Variants in JMY observed in about 807,000 individuals in gnomAD.
The protein encoded by JMY is junction mediating and regulatory protein, p53 cofactor, also known as junction-mediating and -regulatory protein.
Under a neutral mutation model 103.3 loss-of-function variants are expected in JMY, and 46 were observed. That is an observed-to-expected ratio of 0.45 (90% CI 0.35 to 0.57). JMY has a LOEUF of 0.57. JMY is among the 20% of genes least tolerant of loss of function. The probability of loss-of-function intolerance (pLI) is 0.00; values close to 1 mark genes in which losing one functional copy is unlikely to be tolerated. For synonymous variants in JMY, 526 were observed against 489.3 expected (o/e 1.07, Z -0.99); for missense variants, 1,238 against 1,255.2 (o/e 0.99, Z 0.21).
chr5:79,265,268 T>C (rs1002477361), intron 1 of JMY, among the ~76,000 whole-genome samples: 2 of 152,134 alleles, frequency 1.3e-5, no homozygotes, highest in African/African-American at 4.8e-5. Flanking sequence ...TGTTTTAATT[T>C]TATAGATAAG....
At chr5:79,246,471 T>C (rs147645086) in intron 1 of JMY, among the ~76,000 whole-genome samples, 1 of 152,284 alleles carries the variant, frequency 6.6e-6, no homozygotes, top group Non-Finnish European at 1.5e-5. Context: ...TGCAAGTGAG[T>C]TTGAGACCTG....
chr5:79,258,548 A>AG (rs931746626), intron 1 of JMY, among the ~76,000 whole-genome samples: 1 of 151,944 alleles, frequency 6.6e-6, no homozygotes, highest in Non-Finnish European at 1.5e-5. Flanking sequence ...TGGAGCGGTG[A>AG]GGGGTGTGTT....
intron 4 of JMY, among the ~76,000 whole-genome samples, chr5:79,294,775 T>C (rs181475403): frequency 2.6e-5 from 4 of 151,802 alleles, no homozygotes; most frequent in Admixed American, 2.6e-4. Context: ...GGAGAATAGC[T>C]TGAACTCAGG....
rs371632289 is a variant in JMY at position 79,236,730 on chromosome 5, A to T, written c.80A>T (p.His27Leu). Residue 27 changes from histidine (H) to leucine (L), a missense_variant, in exon 1 of 11, where the codon CAC becomes CTC. By Grantham distance (99) the His-to-Leu change is moderately conservative. Transcript: ENST00000396137. ...CATGTGTTCGACGAGCGCGAGAAAC[A>T]CAAATTCGTCTTTATTGTGGCCTGG... ...RPHVFDEREK[H>L]KFVFIVAWNE... is the part of the protein sequence containing the mutation. The T allele has an allele frequency of 3.1e-4, 463 of 1,505,760 alleles. No homozygotes were observed. The African/African-American group carries it at 5.9e-3, about 19-fold the overall frequency. The allele number at this position is 1,505,760 out of a possible 1,614,324, so 93.3% of individuals were successfully genotyped here. A position where few individuals can be genotyped will look rare whatever the true frequency, so the allele number is the denominator to read the frequency against.
chr5:79,318,757 T>TAGAG (rs1381346517), intron 10 of JMY, among the ~76,000 whole-genome samples: 8 of 24,716 alleles, frequency 3.2e-4, no homozygotes, highest in East Asian at 2.5e-3. Context: ...TATATATATA[T>TAGAG]ATATAGAGAG....
intron 4 of JMY, among the ~76,000 whole-genome samples, chr5:79,298,941 G>A (rs1335332018): frequency 6.6e-6 from 1 of 152,018 alleles, no homozygotes; most frequent in African/African-American, 2.4e-5. Context: ...AGACAAAAGG[G>A]ATCATTTAGG....
intron 7 of JMY, among the ~76,000 whole-genome samples, chr5:79,311,430 A>G (rs1747045882): frequency 6.6e-6 from 1 of 152,150 alleles, no homozygotes; most frequent in African/African-American, 2.4e-5. Flanking sequence ...GCTGGTGGGG[A>G]AGAGGAGAGA....
Position 79,278,009 on chromosome 5 carries a change from G to A in JMY, c.1132G>A (p.Glu378Lys), listed in dbSNP as rs1160010461. 12 of 1,613,966 alleles carry A rather than the reference G, an allele frequency of 7.4e-6. No individual in the cohort carries two copies. Among genetic ancestry groups the A allele is most frequent in the Middle Eastern group, 1.7e-4 (1 of 6,058 alleles). The stretch of plus-strand genomic sequence containing the variant: ...CAGCAGCCTTGCAGAAGCTACAACC[G>A]AACTCTATCAGTATTTACTACAGCC... ...AYSSLAEATT[E>K]LYQYLLQPFR... The change falls in exon 2 of 11, where the codon GAA becomes AAA. Residue 378 changes from glutamate to lysine, a missense_variant. Glu to Lys is a moderately conservative substitution (Grantham distance 56). Coordinates refer to ENST00000396137, the MANE Select transcript of JMY (RefSeq NM_152405.5).
At chr5:79,290,999 G>A in intron 3 of JMY, 131 bp from the exon 4 acceptor site, 3 of 618,456 alleles carry the variant, frequency 4.9e-6, no homozygotes, top group African/African-American at 1.9e-5. Flanking sequence ...AAGAAAAAAA[G>A]AAAAAAGTTA....
chr5:79,242,239 A>C (rs1744762138), intron 1 of JMY, among the ~76,000 whole-genome samples: 1 of 152,192 alleles, frequency 6.6e-6, no homozygotes, highest in South Asian at 2.1e-4. Flanking sequence ...AGTCAGAAAC[A>C]CCTAGGTTGA....
At chr5:79,280,007 C>G (rs1374938242) in intron 2 of JMY, among the ~76,000 whole-genome samples, 5 of 152,152 alleles carry the variant, frequency 3.3e-5, no homozygotes, top group Non-Finnish European at 7.3e-5. Flanking sequence ...CCACGCCCAG[C>G]TGTTTTTTGT....
chr5:79,255,360 G>T (rs1411989050), intron 1 of JMY, among the ~76,000 whole-genome samples: 2 of 152,062 alleles, frequency 1.3e-5, no homozygotes, highest in Admixed American at 1.3e-4. Flanking sequence ...GCCTCCCAAA[G>T]TTCTGGTATT....
At chr5:79,294,320 C>G (rs369991087) in intron 4 of JMY, among the ~76,000 whole-genome samples, 1 of 152,252 alleles carries the variant, frequency 6.6e-6, no homozygotes, top group African/African-American at 2.4e-5. Context: ...AGGAGAATCG[C>G]TTGAACCTGG....
chr5:79,290,324 A>C, intron 3 of JMY, 53 bp downstream of exon 3: 1 of 1,270,122 alleles, frequency 7.9e-7, no homozygotes, highest in Non-Finnish European at 1.1e-6. Flanking sequence ...TGAGTGGTTA[A>C]GTATTTTATG....
intron 10 of JMY, 37 bp downstream of exon 10, chr5:79,316,347 T>C (rs1188407620): frequency 1.4e-6 from 2 of 1,472,364 alleles, no homozygotes; most frequent in East Asian, 2.4e-5. Context: ...CATTCAGTAA[T>C]ACAGGTTTTA....
chr5:79,254,154 G>A (rs1297283876), intron 1 of JMY, among the ~76,000 whole-genome samples: 2 of 149,998 alleles, frequency 1.3e-5, no homozygotes, highest in East Asian at 2.0e-4. Context: ...GGGGTTTCGC[G>A]ATGTTGGGAA....
intron 1 of JMY, among the ~76,000 whole-genome samples, chr5:79,238,116 G>T (rs891500178): frequency 6.6e-6 from 1 of 152,074 alleles, no homozygotes; most frequent in Non-Finnish European, 1.5e-5. Flanking sequence ...GATCTGTTTT[G>T]ATTCTTCTTT....
Position 79,237,744 on chromosome 5 carries a change from A to G in JMY, c.1032+62A>G. ...CGCTTTTGGTTTACTGGCCAAACCA[A>G]AGGCTGGAGCCTCGGTGTCGGGTGT... On this transcript the variant is annotated intron_variant, in intron 1 of 10. Coordinates refer to ENST00000396137, the MANE Select transcript of JMY (RefSeq NM_152405.5). 2 of 1,464,004 alleles carry G rather than the reference A, an allele frequency of 1.4e-6. 1 individual carries two copies. The highest frequency in any genetic ancestry group is 1.9e-6 in the Non-Finnish European group (2 of 1,079,046). 90.7% of individuals were successfully genotyped at this position (1,464,004 alleles called of 1,614,324 possible).
At position 79,248,212 on chromosome 5, in the gene JMY, T is replaced by G. The variant is rs1036894640; in HGVS notation, c.1032+10530T>G. On this transcript the variant is annotated intron_variant, in intron 1 of 10. Coordinates refer to ENST00000396137, the MANE Select transcript of JMY (RefSeq NM_152405.5). ...GGCCTTTTAACTTTTGTATTTTTAG[T>G]AGAGACGGGATTTCACCAAGTTGGC... 2.6e-5 allele frequency among the ~76,000 whole-genome samples: 4 copies of G among 152,206 alleles called. No individual in the cohort carries two copies. In the East Asian group the frequency reaches 7.8e-4, roughly 30 times the overall value.
Sources: gnomAD v4.1 joint callset for allele counts (sites outside exome capture counted in the v4.1 genomes callset) on GRCh38, gnomAD v4.1.1 for gene constraint, MANE v1.5 for transcripts, NCBI Gene and HGNC (gene_info 2026-07-23, HGNC 2026-07-21) for gene names.